FAF1: variants seen among roughly 807,000 people sequenced by gnomAD.
FAF1 encodes the protein FAS-associated factor 1.
A neutral mutation model predicts 92.5 loss-of-function variants in FAF1; 25 were observed. That is an observed-to-expected ratio of 0.27 (90% CI 0.20 to 0.38). The LOEUF (loss-of-function observed/expected upper bound fraction) is 0.38. FAF1 is among the 10% of genes least tolerant of loss of function. The probability of loss-of-function intolerance (pLI) is 1.00; values close to 1 mark genes in which losing one functional copy is unlikely to be tolerated. For missense variants in FAF1, 636 were observed against 793.3 expected (o/e 0.80, Z 2.38); for synonymous variants, 234 against 273.2 (o/e 0.86, Z 1.42).
intron 8 of FAF1, chr1:50,607,004 AC>A (rs1652461171): frequency 6.6e-6 from 1 of 151,896 alleles, no homozygotes; most frequent in Non-Finnish European, 1.5e-5. Flanking sequence ...AACAACAAAA[AC>A]AAACAAACAA....
At chr1:50,732,231 C>T (rs201002813) in intron 6 of FAF1, among the ~76,000 whole-genome samples, 276 of 152,180 alleles carry the variant, frequency 1.8e-3, no homozygotes, top group African/African-American at 6.3e-3. Flanking sequence ...CCCGCCACCA[C>T]GCCTGGCTAA....
chr1:50,761,108 A>G (rs930929946), intron 4 of FAF1, among the ~76,000 whole-genome samples: 2 of 152,084 alleles, frequency 1.3e-5, no homozygotes, highest in Admixed American at 6.5e-5. Context: ...TAAATTCCTC[A>G]ACACATACAC....
chr1:50,748,892 A>G (rs1052624545), intron 4 of FAF1, among the ~76,000 whole-genome samples: 1 of 152,240 alleles, frequency 6.6e-6, no homozygotes, highest in Non-Finnish European at 1.5e-5. Context: ...CACAAGTTCT[A>G]TGGGAACACA....
At chr1:50,877,412 A>G (rs1023001228) in intron 1 of FAF1, among the ~76,000 whole-genome samples, 6 of 152,192 alleles carry the variant, frequency 3.9e-5, no homozygotes, top group Non-Finnish European at 7.4e-5. Context: ...CTGTGAAACT[A>G]ACACAGAAGG....
intron 3 of FAF1, among the ~76,000 whole-genome samples, chr1:50,791,404 AT>A (rs1292214789): frequency 1.3e-5 from 2 of 152,078 alleles, no homozygotes; most frequent in Non-Finnish European, 2.9e-5. Flanking sequence ...GCAAAACTGT[AT>A]TTTCTTCTGC....
chr1:50,596,483 A>T (rs1033019666), intron 8 of FAF1, among the ~76,000 whole-genome samples: 1 of 152,164 alleles, frequency 6.6e-6, no homozygotes, highest in Non-Finnish European at 1.5e-5. Context: ...AATCATACAT[A>T]CTTGCCCCCA....
chr1:50,624,897 C>CTTTTTTTTTTTTTTTTTTTTTTTTTTTT (rs34177866), intron 8 of FAF1, among the ~76,000 whole-genome samples: 1 of 124,792 alleles, frequency 8.0e-6, no homozygotes, highest in Non-Finnish European at 1.7e-5. Context: ...ATCCCACACT[C>CTTTTTTTTTTTTTTTTTTTTTTTTTTTT]TTTTTTTTTT....
At chr1:50,604,710 T>C (rs1013414878) in intron 8 of FAF1, among the ~76,000 whole-genome samples, 1 of 152,102 alleles carries the variant, frequency 6.6e-6, no homozygotes, top group Non-Finnish European at 1.5e-5. Flanking sequence ...GGTCTCCTTA[T>C]TTTTTGTAGA....
intron 7 of FAF1, among the ~76,000 whole-genome samples, chr1:50,660,072 C>A (rs1655305264): frequency 6.6e-6 from 1 of 152,180 alleles, no homozygotes; most frequent in African/African-American, 2.4e-5. Context: ...AAGATCATTT[C>A]ATTATAAGCT....
intron 12 of FAF1, among the ~76,000 whole-genome samples, chr1:50,579,294 T>C (rs186544965): frequency 6.6e-6 from 1 of 152,260 alleles, no homozygotes; most frequent in Admixed American, 6.5e-5. Context: ...GTGTGAGGTA[T>C]ACATAGTATA....
At chr1:50,724,260 C>CATAT (rs1342409801) in intron 6 of FAF1, among the ~76,000 whole-genome samples, 1 of 137,482 alleles carries the variant, frequency 7.3e-6, no homozygotes, top group African/African-American at 2.9e-5. Context: ...AAAAAACAAC[C>CATAT]ATATATATAT....
chr1:50,862,660 CAT>C (rs907207171), intron 1 of FAF1, among the ~76,000 whole-genome samples: 4 of 151,816 alleles, frequency 2.6e-5, no homozygotes, highest in African/African-American at 9.7e-5. Flanking sequence ...TCACCTAACA[CAT>C]AAAGACTCAC....
At chr1:50,509,857 C>T (rs1222769495) in intron 15 of FAF1, among the ~76,000 whole-genome samples, 4 of 151,164 alleles carry the variant, frequency 2.6e-5, no homozygotes, top group Admixed American at 2.6e-4. Context: ...CAACACTGAT[C>T]AATTTTATCT....
chr1:50,539,852 TG>T lies in FAF1; in HGVS notation c.1269-125del, dbSNP rs1648678242. 9.2e-6 allele frequency: 6 copies of T among 649,356 alleles called. No individual in the cohort carries two copies. In the South Asian group the frequency reaches 1.2e-4, roughly 13 times the overall value. The allele number at this position is 649,356 out of a possible 1,614,324, so 40.2% of individuals were successfully genotyped here. A position where few individuals can be genotyped will look rare whatever the true frequency, so the allele number is the denominator to read the frequency against. Reference sequence around the variant, plus strand: ...TTAGACAGCCTGCCTGATATCAATATGTAAAATCTTGCTATATTGAGTTTTC... The same window carrying T: ...TTAGACAGCCTGCCTGATATCAATATTAAAATCTTGCTATATTGAGTTTTC... On this transcript the variant is annotated intron_variant, in intron 13 of 18. Transcript: ENST00000396153.
At chr1:50,481,647 A>T (rs959091327) in intron 17 of FAF1, among the ~76,000 whole-genome samples, 7 of 152,178 alleles carry the variant, frequency 4.6e-5, no homozygotes, top group Non-Finnish European at 7.3e-5. Context: ...ACAAGACTAT[A>T]TCATTTTTCA....
At chr1:50,490,961 C>T (rs775314663) in intron 16 of FAF1, among the ~76,000 whole-genome samples, 4 of 152,092 alleles carry the variant, frequency 2.6e-5, no homozygotes, top group Non-Finnish European at 4.4e-5. Context: ...CTTTGGTCTT[C>T]CTTTCTGACC....
chr1:50,536,347 A>C (rs759221231), intron 14 of FAF1, among the ~76,000 whole-genome samples: 9 of 152,230 alleles, frequency 5.9e-5, no homozygotes, highest in Non-Finnish European at 1.0e-4. Flanking sequence ...ATATAAAGAT[A>C]TGACAATTCT....
At chr1:50,444,943 T>G (rs1268916646) in intron 18 of FAF1, among the ~76,000 whole-genome samples, 1 of 152,178 alleles carries the variant, frequency 6.6e-6, no homozygotes, top group Non-Finnish European at 1.5e-5. Flanking sequence ...GTGAACTCTC[T>G]GCTGTTCCCA....
intron 1 of FAF1, among the ~76,000 whole-genome samples, chr1:50,885,058 T>C (rs967099561): frequency 2.0e-5 from 3 of 152,214 alleles, no homozygotes; most frequent in Middle Eastern, 3.2e-3. Context: ...TATTGGCATA[T>C]AGTTGCTCTG....
Sources: gnomAD v4.1 joint callset for allele counts (sites outside exome capture counted in the v4.1 genomes callset) on GRCh38, gnomAD v4.1.1 for gene constraint, MANE v1.5 for transcripts, NCBI Gene and HGNC (gene_info 2026-07-23, HGNC 2026-07-21) for gene names.